MARCO: variants seen among roughly 807,000 people sequenced by gnomAD.
MARCO encodes macrophage receptor MARCO.
MARCO carries 72 observed loss-of-function variants against 70.0 expected under a neutral mutation model. The ratio of observed to expected loss-of-function variants is 1.03; its 90% CI spans 0.85 to 1.25. The LOEUF (loss-of-function observed/expected upper bound fraction) is 1.25, where lower values mean the gene tolerates loss of function less well. Among genes scored for constraint, MARCO ranks in the 50% most tolerant of loss-of-function variants. MARCO has a pLI of 0.00. For missense variants in MARCO, 696 were observed against 659.3 expected (o/e 1.06, Z -0.61); for synonymous variants, 273 against 243.1 (o/e 1.12, Z -1.14).
intron 1 of MARCO, chr2:118,952,660 G>A (rs922230269): frequency 2.0e-5 from 3 of 152,218 alleles, no homozygotes; most frequent in Non-Finnish European, 4.4e-5. Flanking sequence ...GATCCTTTAA[G>A]CTAGGTTGCT....
chr2:118,943,760 C>T (rs1679546565), intron 1 of MARCO, among the ~76,000 whole-genome samples: 1 of 152,172 alleles, frequency 6.6e-6, no homozygotes, highest in Admixed American at 6.5e-5. Context: ...ATAAATACTT[C>T]CATACTGTTT....
chr2:118,969,306 G>T (rs1680116535), intron 2 of MARCO, 45 bp downstream of exon 2: 1 of 1,519,434 alleles, frequency 6.6e-7, no homozygotes, highest in Admixed American at 1.7e-5. Flanking sequence ...GGGGGAGAGG[G>T]GTGACCCAGC....
intron 2 of MARCO, among the ~76,000 whole-genome samples, chr2:118,969,679 T>C (rs569666762): frequency 6.6e-5 from 10 of 152,344 alleles, no homozygotes; most frequent in South Asian, 2.1e-4. Context: ...AGTCGTTCCA[T>C]GAGCAGACAC....
chr2:118,993,221 G>C lies in MARCO; in HGVS notation c.1350G>C (p.Glu450Asp). 2 of 1,614,180 alleles carry C rather than the reference G, an allele frequency of 1.2e-6. No individual in the cohort carries two copies. Among genetic ancestry groups the C allele is most frequent in the Non-Finnish European group, 1.7e-6 (2 of 1,180,032 alleles). Residue 450 changes from glutamate (E) to aspartate (D), a missense_variant, in exon 16 of 17, where the codon GAG becomes GAC. Transcript: ENST00000327097. ...SGTWGTICDDEWQNSDAIVFC... is the reference protein window; with the variant it reads ...SGTWGTICDDDWQNSDAIVFC... ...CCTGGGGGACAATTTGCGATGACGAGTGGCAAAATTCTGATGCCATTGTCT... is the reference window on the plus strand; with the variant it reads ...CCTGGGGGACAATTTGCGATGACGACTGGCAAAATTCTGATGCCATTGTCT...
chr2:118,946,568 C>G (rs542623432), intron 1 of MARCO, among the ~76,000 whole-genome samples: 6 of 152,174 alleles, frequency 3.9e-5, no homozygotes, highest in Non-Finnish European at 7.4e-5. Flanking sequence ...TAACATTCAC[C>G]CACTGAAGGA....
At chr2:118,953,397 A>C (rs1679765422) in intron 1 of MARCO, among the ~76,000 whole-genome samples, 1 of 152,254 alleles carries the variant, frequency 6.6e-6, no homozygotes, top group African/African-American at 2.4e-5. Flanking sequence ...TTTACTTTCT[A>C]CATTTGGTGT....
At chr2:118,969,338 T>C in intron 2 of MARCO, 77 bp downstream of exon 2, 1 of 1,103,520 alleles carries the variant, frequency 9.1e-7, no homozygotes. Flanking sequence ...GATGAAGGGC[T>C]CAGGTTGAGT....
chr2:118,969,378 C>A, intron 2 of MARCO, 117 bp downstream of exon 2: 2 of 727,312 alleles, frequency 2.7e-6, no homozygotes, highest in Non-Finnish European at 4.8e-6. Context: ...CTCCCATCTG[C>A]TGGGAGACAG....
intron 1 of MARCO, among the ~76,000 whole-genome samples, chr2:118,948,262 C>T (rs1313090854): frequency 6.6e-6 from 1 of 152,218 alleles, no homozygotes. Context: ...ATATTTATCC[C>T]TTACACATTT....
At chr2:118,986,688 A>AAGGAAGGAAG (rs1558671856) in intron 12 of MARCO, among the ~76,000 whole-genome samples, 18 of 80,394 alleles carry the variant, frequency 2.2e-4, no homozygotes, top group Non-Finnish European at 3.7e-4. Flanking sequence ...AAAGAAAGAA[A>AAGGAAGGAAG]GAAAGAAAGA....
At chr2:118,986,576 G>GGGAGGGAAGGAAGGAA (rs1558671319) in intron 12 of MARCO, among the ~76,000 whole-genome samples, 5 of 70,250 alleles carry the variant, frequency 7.1e-5, no homozygotes, top group African/African-American at 4.9e-4. Context: ...GAGGGAGGGA[G>GGGAGGGAAGGAAGGAA]GGAAGGAAAG....
intron 6 of MARCO, among the ~76,000 whole-genome samples, chr2:118,977,147 A>G (rs1442325900): frequency 6.6e-6 from 1 of 151,764 alleles, no homozygotes; most frequent in Non-Finnish European, 1.5e-5. Flanking sequence ...TGACCCAAAC[A>G]CCTCCCCACT....
intron 12 of MARCO, among the ~76,000 whole-genome samples, chr2:118,986,826 T>C (rs1038755005): frequency 6.6e-6 from 1 of 151,864 alleles, no homozygotes; most frequent in African/African-American, 2.4e-5. Context: ...GTTTTCTTAA[T>C]GTATTGGAGA....
chr2:118,973,395 C>T (rs1386312205), intron 4 of MARCO, among the ~76,000 whole-genome samples: 2 of 152,156 alleles, frequency 1.3e-5, no homozygotes, highest in Non-Finnish European at 1.5e-5. Context: ...GTCTCTCTCT[C>T]TCTCTCTCTG....
At chr2:118,954,757 C>A (rs955630774) in intron 1 of MARCO, among the ~76,000 whole-genome samples, 8 of 152,148 alleles carry the variant, frequency 5.3e-5, no homozygotes, top group African/African-American at 1.9e-4. Context: ...GTGCAGACAA[C>A]CCCCAGTACC....
At chr2:118,953,035 C>T (rs1679754599) in intron 1 of MARCO, 1 of 152,218 alleles carries the variant, frequency 6.6e-6, no homozygotes. Context: ...TTTGGGTTGT[C>T]CTTGCTGCGT....
Position 118,981,495 on chromosome 2 carries a change from C to A in MARCO, c.853C>A (p.Pro285Thr). The change falls in exon 9 of 17, where the codon CCA becomes ACA. Residue 285 changes from proline (P) to threonine (T), a missense_variant. By Grantham distance (38) the Pro-to-Thr change is conservative. This residue lies in a region of MARCO where 605 missense variants were observed against 537.6 expected (regional missense o/e 1.13). Coordinates refer to ENST00000327097, the MANE Select transcript of MARCO (RefSeq NM_006770.4). ...AQGSKGDFGR[P>T]GPPGLAGFPG... ...GGGGAGTAAAGGTGACTTCGGGAGG[C>A]CAGGCCCACCAGGTAAGAGGGCACG... is the stretch of plus-strand genomic sequence containing the variant. The A allele has an allele frequency of 6.2e-7, 1 of 1,600,434 alleles. No homozygotes were observed. The highest frequency in any genetic ancestry group is 8.5e-7 in the Non-Finnish European group (1 of 1,176,720).
intron 2 of MARCO, 107 bp downstream of exon 2, chr2:118,969,368 C>A (rs1179548736): frequency 1.3e-6 from 1 of 768,408 alleles, no homozygotes; most frequent in Non-Finnish European, 2.2e-6. Flanking sequence ...CGGGCCACTG[C>A]TCCCATCTGC....
chr2:118,951,198 G>A (rs753666361), intron 1 of MARCO, among the ~76,000 whole-genome samples: 1 of 152,134 alleles, frequency 6.6e-6, no homozygotes, highest in Non-Finnish European at 1.5e-5. Flanking sequence ...TCACCTGGGA[G>A]GAACCATCTA....
Sources: gnomAD v4.1 joint callset for allele counts (sites outside exome capture counted in the v4.1 genomes callset) on GRCh38, gnomAD v4.1.1 for gene constraint, gnomAD v4.1.1 regional missense constraint, MANE v1.5 for transcripts, NCBI Gene and HGNC (gene_info 2026-07-23, HGNC 2026-07-21) for gene names.